Variants in ZMAT4 observed in about 807,000 individuals in gnomAD.
The protein encoded by ZMAT4 is zinc finger matrin-type 4.
A neutral mutation model predicts 28.7 loss-of-function variants in ZMAT4; 17 were observed. The ratio of observed to expected loss-of-function variants is 0.59; its 90% CI spans 0.41 to 0.89. ZMAT4 has a LOEUF of 0.89. Ranked by LOEUF, ZMAT4 falls within the 40% of genes least tolerant of loss-of-function variation. The probability of loss-of-function intolerance (pLI) is 0.00; values close to 1 mark genes in which losing one functional copy is unlikely to be tolerated. For synonymous variants in ZMAT4, 117 were observed against 109.2 expected, an observed-to-expected ratio of 1.07 and a Z score of -0.44; for missense variants, 240 against 283.8, an observed-to-expected ratio of 0.85 and a Z score of 1.11.
At chr8:40,627,669 A>G (rs1031535245) in intron 5 of ZMAT4, among the ~76,000 whole-genome samples, 10 of 152,214 alleles carry the variant, frequency 6.6e-5, no homozygotes, top group Non-Finnish European at 1.5e-4. Flanking sequence ...TACTTTCTAG[A>G]TGGTTTTTCA....
chr8:40,609,378 G>C (rs1411920705), intron 5 of ZMAT4, among the ~76,000 whole-genome samples: 2 of 152,098 alleles, frequency 1.3e-5, no homozygotes, highest in African/African-American at 4.8e-5. Context: ...CAATCCACTG[G>C]AGTTTCTTCA....
chr8:40,871,673 T>C (rs1187341768), intron 1 of ZMAT4, among the ~76,000 whole-genome samples: 1 of 152,144 alleles, frequency 6.6e-6, no homozygotes, highest in Non-Finnish European at 1.5e-5. Flanking sequence ...CCAAGAGGAA[T>C]AAGACAACCC....
chr8:40,593,812 C>G (rs149887350), intron 5 of ZMAT4, among the ~76,000 whole-genome samples: 2 of 152,284 alleles, frequency 1.3e-5, no homozygotes, highest in East Asian at 3.9e-4. Flanking sequence ...TACAAGCCAG[C>G]TGTTGGGTAC....
At position 40,788,358 on chromosome 8, in the gene ZMAT4, G is replaced by A. The variant is rs139581048; in HGVS notation, c.103-20628C>T. Among the ~76,000 whole-genome samples the A allele has an allele frequency of 9.3e-3, 1,423 of 152,310 alleles. 23 individuals are homozygous for A. The highest frequency in any genetic ancestry group is 0.033 in the African/African-American group (1,373 of 41,548). Reference sequence around the variant, plus strand: ...CCAGCATTTTGGGAGGCCGGGGCAGGCGGATCACGAGGTCAGGAGATCGAG... The same window carrying A: ...CCAGCATTTTGGGAGGCCGGGGCAGACGGATCACGAGGTCAGGAGATCGAG... On this transcript the variant is annotated intron_variant, in intron 2 of 6. Transcript: ENST00000297737.
rs1226120472 is a variant in ZMAT4 at position 40,531,733 on chromosome 8, T to C, written c.*490A>G. ...CTGGTATTTATTTGTCCATTTGGTA[T>C]TTTCCACTAATAGTGATCTGTTCCA... On this transcript the variant is annotated 3_prime_UTR_variant, in exon 7 of 7. Coordinates refer to ENST00000297737, the MANE Select transcript of ZMAT4 (RefSeq NM_024645.3). 1 of 152,878 alleles carries C rather than the reference T, an allele frequency of 6.5e-6. No individual in the cohort carries two copies. Among genetic ancestry groups the C allele is most frequent in the East Asian group, 1.9e-4 (1 of 5,198 alleles). The allele number at this position is 152,878 out of a possible 1,614,324, so 9.5% of individuals were successfully genotyped here.
At chr8:40,875,725 A>T (rs1818019518) in intron 1 of ZMAT4, among the ~76,000 whole-genome samples, 1 of 152,146 alleles carries the variant, frequency 6.6e-6, no homozygotes. Flanking sequence ...TCCCCCAGGA[A>T]GTACAAGTTC....
At chr8:40,775,557 A>G (rs1420410549) in intron 2 of ZMAT4, among the ~76,000 whole-genome samples, 1 of 152,226 alleles carries the variant, frequency 6.6e-6, no homozygotes, top group Non-Finnish European at 1.5e-5. Flanking sequence ...CCACAGCTCA[A>G]ACAGAGGCAG....
chr8:40,659,204 C>T (rs1195261954), intron 5 of ZMAT4, among the ~76,000 whole-genome samples: 1 of 152,058 alleles, frequency 6.6e-6, no homozygotes. Context: ...CATCTAAAAG[C>T]TGAAAATATA....
At chr8:40,706,755 C>G (rs1275973797) in intron 3 of ZMAT4, among the ~76,000 whole-genome samples, 1 of 152,094 alleles carries the variant, frequency 6.6e-6, no homozygotes, top group Non-Finnish European at 1.5e-5. Flanking sequence ...CACCAAGCAG[C>G]CTGCCAAGAA....
chr8:40,753,376 CTTAG>C (rs747612459), intron 3 of ZMAT4, among the ~76,000 whole-genome samples: 2 of 152,204 alleles, frequency 1.3e-5, no homozygotes, highest in Non-Finnish European at 2.9e-5. Context: ...TATCTCTGTG[CTTAG>C]TTAATCACTA....
chr8:40,656,887 G>T (rs999659874), intron 5 of ZMAT4, among the ~76,000 whole-genome samples: 3 of 151,864 alleles, frequency 2.0e-5, no homozygotes, highest in African/African-American at 7.3e-5. Context: ...CTATGGTGAG[G>T]GAATAATGGG....
At chr8:40,602,418 T>A (rs1026219109) in intron 5 of ZMAT4, among the ~76,000 whole-genome samples, 5 of 152,220 alleles carry the variant, frequency 3.3e-5, no homozygotes, top group Admixed American at 6.5e-5. Flanking sequence ...ATGGTAGATC[T>A]ACTTTTAATT....
chr8:40,883,211 T>G (rs1461574791), intron 1 of ZMAT4, among the ~76,000 whole-genome samples: 1 of 152,164 alleles, frequency 6.6e-6, no homozygotes, highest in Non-Finnish European at 1.5e-5. Flanking sequence ...CAGAGCAGTC[T>G]CCACAAAAAG....
chr8:40,889,898 T>C lies in ZMAT4; in HGVS notation c.-5+7785A>G, dbSNP rs938076501. ...GAATTGCTGACTGGTTCAAAGAGTA[T>C]ATTTTTTTGAGACACATCTCCTATG... On this transcript the variant is annotated intron_variant, in intron 1 of 6. Transcript: ENST00000297737. Among the ~76,000 whole-genome samples, 6 of 152,350 alleles carry C rather than the reference T, an allele frequency of 3.9e-5. No individual in the cohort carries two copies. In the South Asian group the frequency reaches 1.2e-3, roughly 32 times the overall value.
At chr8:40,788,768 GA>G (rs60561587) in intron 2 of ZMAT4, among the ~76,000 whole-genome samples, 1,997 of 132,070 alleles carry the variant, frequency 0.015, 36 homozygotes, top group African/African-American at 0.049. Flanking sequence ...ACATTACAAG[GA>G]AAAAAAAAAA....
intron 1 of ZMAT4, among the ~76,000 whole-genome samples, chr8:40,870,106 T>C (rs147995275): frequency 7.9e-5 from 12 of 152,292 alleles, no homozygotes; most frequent in African/African-American, 2.2e-4. Flanking sequence ...GTAAAATAAA[T>C]GTACACCTAT....
At chr8:40,740,958 A>G (rs1811976076) in intron 3 of ZMAT4, among the ~76,000 whole-genome samples, 2 of 151,740 alleles carry the variant, frequency 1.3e-5, no homozygotes, top group Admixed American at 1.3e-4. Flanking sequence ...TTTAGCAAAA[A>G]TTCATTTGAA....
chr8:40,580,883 A>G (rs1804442057), intron 6 of ZMAT4, among the ~76,000 whole-genome samples: 1 of 152,228 alleles, frequency 6.6e-6, no homozygotes, highest in African/African-American at 2.4e-5. Context: ...GAATAATATT[A>G]TTGATTTTAA....
At chr8:40,781,762 A>AG in intron 2 of ZMAT4, among the ~76,000 whole-genome samples, 1 of 32,288 alleles carries the variant, frequency 3.1e-5, no homozygotes, top group Admixed American at 3.8e-4. Flanking sequence ...ACTCCGTCTC[A>AG]AAAAAAAAAA....
Sources: gnomAD v4.1 joint callset for allele counts (sites outside exome capture counted in the v4.1 genomes callset) on GRCh38, gnomAD v4.1.1 for gene constraint, MANE v1.5 for transcripts, NCBI Gene and HGNC (gene_info 2026-07-23, HGNC 2026-07-21) for gene names.